Variants in KCND2 observed in about 807,000 individuals in gnomAD.
KCND2 encodes the protein potassium voltage-gated channel subfamily D member 2.
KCND2 carries 16 observed loss-of-function variants against 54.4 expected under a neutral mutation model. That is an observed-to-expected ratio of 0.29 (90% confidence interval 0.20 to 0.45). KCND2 has a LOEUF of 0.45. KCND2 is among the 20% of genes least tolerant of loss of function. The pLI is 1.00. For synonymous variants in KCND2, 317 were observed against 310.7 expected, an observed-to-expected ratio of 1.02 and a Z score of -0.21; for missense variants, 486 against 824.2, an observed-to-expected ratio of 0.59 and a Z score of 5.02.
At chr7:120,655,785 A>C (rs1484296819) in intron 1 of KCND2, among the ~76,000 whole-genome samples, 6 of 152,124 alleles carry the variant, frequency 3.9e-5, no homozygotes, top group African/African-American at 1.4e-4. Context: ...AAGAGGAAGA[A>C]AAATTTGCCT....
chr7:120,402,132 G>A (rs1233412979), intron 1 of KCND2, among the ~76,000 whole-genome samples: 1 of 152,136 alleles, frequency 6.6e-6, no homozygotes, highest in Non-Finnish European at 1.5e-5. Context: ...ATCTTGACTT[G>A]TTTTAACAAG....
intron 1 of KCND2, among the ~76,000 whole-genome samples, chr7:120,620,329 G>A (rs1457503694): frequency 6.6e-6 from 1 of 151,894 alleles, no homozygotes; most frequent in Non-Finnish European, 1.5e-5. Context: ...CTAATTTGGA[G>A]TTCAGAGTAA....
At chr7:120,669,558 A>G (rs765016022) in intron 1 of KCND2, among the ~76,000 whole-genome samples, 1 of 152,156 alleles carries the variant, frequency 6.6e-6, no homozygotes, top group Non-Finnish European at 1.5e-5. Context: ...ACACAAAAAG[A>G]TAACCCACTG....
At chr7:120,562,219 A>G (rs1792244699) in intron 1 of KCND2, among the ~76,000 whole-genome samples, 1 of 152,188 alleles carries the variant, frequency 6.6e-6, no homozygotes, top group South Asian at 2.1e-4. Flanking sequence ...TCCCTGAAGT[A>G]CAAACACCAA....
intron 1 of KCND2, among the ~76,000 whole-genome samples, chr7:120,365,846 G>T (rs1800669742): frequency 1.3e-5 from 2 of 151,950 alleles, no homozygotes; most frequent in Admixed American, 6.6e-5. Flanking sequence ...GGATGTTCAG[G>T]TAAGTAATTA....
intron 1 of KCND2, among the ~76,000 whole-genome samples, chr7:120,730,964 C>A (rs762314486): frequency 6.6e-6 from 1 of 152,200 alleles, no homozygotes; most frequent in East Asian, 1.9e-4. Context: ...CCCTGTCTCT[C>A]AGGACTACAC....
intron 1 of KCND2, among the ~76,000 whole-genome samples, chr7:120,410,806 C>T (rs1801438820): frequency 6.7e-6 from 1 of 149,926 alleles, no homozygotes; most frequent in African/African-American, 2.5e-5. Flanking sequence ...GTCTGGTTTT[C>T]TGTCCTTGTA....
At chr7:120,640,229 A>T (rs904667227) in intron 1 of KCND2, among the ~76,000 whole-genome samples, 3 of 152,166 alleles carry the variant, frequency 2.0e-5, no homozygotes, top group Admixed American at 6.6e-5. Context: ...TGTTGGCACC[A>T]CCACCAAAGT....
chr7:120,278,489 A>G (rs1272158289), intron 1 of KCND2, among the ~76,000 whole-genome samples: 1 of 151,312 alleles, frequency 6.6e-6, no homozygotes, highest in East Asian at 1.9e-4. Context: ...TGTGATTGTA[A>G]ACAGTGGTTA....
chr7:120,432,893 G>A lies in KCND2; in HGVS notation c.1115+157146G>A, dbSNP rs537242434. Among the ~76,000 whole-genome samples, 4 of 152,114 alleles carry A rather than the reference G, an allele frequency of 2.6e-5. No homozygotes were observed. The South Asian group carries it at 8.3e-4, about 32-fold the overall frequency. On this transcript the variant is annotated intron_variant, in intron 1 of 5. Coordinates refer to ENST00000331113, the MANE Select transcript of KCND2 (RefSeq NM_012281.3). ...AGATCTATCATTCTAGGTCCAAATCGACTCACTTCACTGCACCACTTCAAA... is the reference window on the plus strand; with the variant it reads ...AGATCTATCATTCTAGGTCCAAATCAACTCACTTCACTGCACCACTTCAAA...
At position 120,289,019 on chromosome 7, in the gene KCND2, T is replaced by TGGGA. The variant is rs1295787075; in HGVS notation, c.1115+13276_1115+13279dup. Among the ~76,000 whole-genome samples the TGGGA allele has an allele frequency of 4.8e-5, 7 of 146,232 alleles. No individual in the cohort carries two copies. The East Asian group carries it at 1.4e-3, about 29-fold the overall frequency. ...ATGGGGGGAGAGAGGAAGGCAGAGG[T>TGGGA]GGGAGGGCAGAGACACAAACACACA... On this transcript the variant is annotated intron_variant, in intron 1 of 5. Coordinates refer to ENST00000331113, the MANE Select transcript of KCND2 (RefSeq NM_012281.3).
intron 1 of KCND2, among the ~76,000 whole-genome samples, chr7:120,357,307 A>C (rs1281559823): frequency 6.6e-6 from 1 of 152,170 alleles, no homozygotes; most frequent in Non-Finnish European, 1.5e-5. Flanking sequence ...TGAAGGAGCC[A>C]GGATTCAAAT....
chr7:120,302,880 T>C (rs978048167), intron 1 of KCND2, among the ~76,000 whole-genome samples: 2 of 152,334 alleles, frequency 1.3e-5, no homozygotes, highest in South Asian at 4.1e-4. Flanking sequence ...AGAGATTACC[T>C]GTCTAATGCT....
chr7:120,385,680 A>G (rs1288997862), intron 1 of KCND2, among the ~76,000 whole-genome samples: 1 of 152,168 alleles, frequency 6.6e-6, no homozygotes, highest in African/African-American at 2.4e-5. Context: ...TTTCATTTGC[A>G]GACTCATTAA....
intron 1 of KCND2, among the ~76,000 whole-genome samples, chr7:120,332,820 CAG>C (rs946108347): frequency 3.0e-4 from 46 of 152,060 alleles, no homozygotes; most frequent in African/African-American, 1.1e-3. Context: ...TTATACAGCC[CAG>C]AGAGTCAACA....
chr7:120,530,488 T>A lies in KCND2; in HGVS notation c.1116-202415T>A, dbSNP rs925851874. The stretch of plus-strand genomic sequence containing the variant: ...TTGAAGTATATATCTAACATTGTCA[T>A]TGCTTCCAAAGACATCATCTATTAA... On this transcript the variant is annotated intron_variant, in intron 1 of 5. Transcript: ENST00000331113. Among the ~76,000 whole-genome samples the A allele has an allele frequency of 2.0e-5, 3 of 152,152 alleles. No individual in the cohort carries two copies. In the East Asian group the frequency reaches 5.8e-4, roughly 29 times the overall value.
chr7:120,376,543 A>C (rs2116013857), intron 1 of KCND2, among the ~76,000 whole-genome samples: 1 of 150,778 alleles, frequency 6.6e-6, no homozygotes, highest in African/African-American at 2.4e-5. Flanking sequence ...AGTGAAAATA[A>C]ATATATATGA....
In KCND2 at chr7:120,725,930, C is replaced by T. The variant is rs1243177152; in HGVS notation, c.1116-6973C>T. On this transcript the variant is annotated intron_variant, in intron 1 of 5. Transcript: ENST00000331113. ...GCACTCCTTGAAAGTTCATAGACTC[C>T]GAGGTAAAAATCTCTAATTAGGGTG... 3.9e-5 allele frequency among the ~76,000 whole-genome samples: 6 copies of T among 152,162 alleles called. No individual in the cohort carries two copies. The East Asian group carries it at 9.6e-4, about 24-fold the overall frequency.
intron 1 of KCND2, among the ~76,000 whole-genome samples, chr7:120,543,684 A>G (rs1031084606): frequency 2.0e-5 from 3 of 152,054 alleles, no homozygotes; most frequent in African/African-American, 4.8e-5. Flanking sequence ...ATGTATGTAC[A>G]ATGTGTGCTT....
Sources: gnomAD v4.1 joint callset for allele counts (sites outside exome capture counted in the v4.1 genomes callset) on GRCh38, gnomAD v4.1.1 for gene constraint, MANE v1.5 for transcripts, NCBI Gene and HGNC (gene_info 2026-07-23, HGNC 2026-07-21) for gene names.